Variants in PLPP3 observed in about 807,000 individuals in gnomAD.
The protein encoded by PLPP3 is phospholipid phosphatase 3, also known as PAP2 beta.
Under a neutral mutation model 29.6 loss-of-function variants are expected in PLPP3, and 6 were observed. The ratio of observed to expected loss-of-function variants is 0.20; its 90% CI spans 0.11 to 0.40. PLPP3 has a LOEUF of 0.40. Among genes scored for constraint, PLPP3 ranks in the 10% least tolerant of loss-of-function variants. The probability of loss-of-function intolerance (pLI) is 1.00; values close to 1 mark genes in which losing one functional copy is unlikely to be tolerated. For synonymous variants in PLPP3, 152 were observed against 159.7 expected (o/e 0.95, Z 0.36); for missense variants, 308 against 407.7 (o/e 0.76, Z 2.11).
In PLPP3 at chr1:56,579,482, C is replaced by G. The variant is rs1370433027; in HGVS notation, c.-466G>C. 1 of 180,502 alleles carries G rather than the reference C, an allele frequency of 5.5e-6. No individual in the cohort carries two copies. Among genetic ancestry groups the G allele is most frequent in the Non-Finnish European group, 1.1e-5 (1 of 87,332 alleles). The allele number at this position is 180,502 out of a possible 1,614,324, so 11.2% of individuals were successfully genotyped here. On this transcript the variant is annotated 5_prime_UTR_variant, in exon 1 of 6. Coordinates refer to ENST00000371250, the MANE Select transcript of PLPP3 (RefSeq NM_003713.5). The stretch of plus-strand genomic sequence containing the variant: ...CTAACTTTGCCTCCTCCTCCTCCTC[C>G]TCCTCCGGCTCCTCCTGCTCCTCCT...
intron 1 of PLPP3, among the ~76,000 whole-genome samples, chr1:56,550,997 C>T (rs1646034385): frequency 6.6e-6 from 1 of 152,146 alleles, no homozygotes; most frequent in South Asian, 2.1e-4. Flanking sequence ...TTGAGTGTGG[C>T]TTTGGGAACC....
intron 1 of PLPP3, among the ~76,000 whole-genome samples, chr1:56,553,489 A>G (rs1000741534): frequency 2.6e-5 from 4 of 152,148 alleles, no homozygotes; most frequent in African/African-American, 9.7e-5. Flanking sequence ...AGGTGCATTA[A>G]GGCCTCTTAC....
At chr1:56,522,191 G>A (rs78894807) in intron 4 of PLPP3, among the ~76,000 whole-genome samples, 3,377 of 152,286 alleles carry the variant, frequency 0.022, 122 homozygotes, top group African/African-American at 0.077. Context: ...CACCTCATCA[G>A]GTCACTGAGA....
At position 56,539,717 on chromosome 1, in the gene PLPP3, G is replaced by C. The variant is rs1302907599; in HGVS notation, c.140-2605C>G. On this transcript the variant is annotated intron_variant, in intron 1 of 5. Coordinates refer to ENST00000371250, the MANE Select transcript of PLPP3 (RefSeq NM_003713.5). ...GTTCTGGCTTAGAAATGATCTTTAG[G>C]GGTTAGGAGCCTGGGAGAGAAATCA... Among the ~76,000 whole-genome samples the C allele has an allele frequency of 2.6e-5, 4 of 152,112 alleles. No homozygotes were observed. The South Asian group carries it at 6.2e-4, about 24-fold the overall frequency.
chr1:56,554,430 G>A (rs188079772), intron 1 of PLPP3, among the ~76,000 whole-genome samples: 3 of 151,998 alleles, frequency 2.0e-5, no homozygotes, highest in Non-Finnish European at 2.9e-5. Context: ...AAATGAGCCG[G>A]GCGTGTTGGC....
At chr1:56,560,992 C>T (rs1646122644) in intron 1 of PLPP3, among the ~76,000 whole-genome samples, 1 of 150,760 alleles carries the variant, frequency 6.6e-6, no homozygotes, top group Non-Finnish European at 1.5e-5. Flanking sequence ...CGCCTGCCAC[C>T]ATGCCCGGGT....
At chr1:56,528,427 A>G (rs1157349560) in intron 2 of PLPP3, among the ~76,000 whole-genome samples, 1 of 152,162 alleles carries the variant, frequency 6.6e-6, no homozygotes, top group East Asian at 1.9e-4. Flanking sequence ...TTTTGGGAAA[A>G]GATAGAGCAA....
At chr1:56,574,412 G>A (rs535393081) in intron 1 of PLPP3, among the ~76,000 whole-genome samples, 2 of 151,892 alleles carry the variant, frequency 1.3e-5, no homozygotes, top group East Asian at 3.9e-4. Flanking sequence ...GCACCACCAC[G>A]CCCGGTTAAT....
chr1:56,524,617 A>G lies in PLPP3; in HGVS notation c.298-63T>C, dbSNP rs2100250223. 6.5e-7 allele frequency: 1 copy of G among 1,534,018 alleles called. No individual in the cohort carries two copies. The highest frequency in any genetic ancestry group is 1.2e-5 in the South Asian group (1 of 85,174). Reference sequence around the variant, plus strand: ...GATTCATCATCAACACTGATGCCGTAACGGATATTCAACAACACAGGAGAA... The same window carrying G: ...GATTCATCATCAACACTGATGCCGTGACGGATATTCAACAACACAGGAGAA... On this transcript the variant is annotated intron_variant, in intron 2 of 5. Coordinates refer to ENST00000371250, the MANE Select transcript of PLPP3 (RefSeq NM_003713.5). This position sits in a 1 kb window ranked among gnomAD's most constrained non-coding sequence, Gnocchi z 4.3.
At position 56,549,672 on chromosome 1, in the gene PLPP3, G is replaced by A. The variant is rs188888356; in HGVS notation, c.140-12560C>T. Among the ~76,000 whole-genome samples the A allele has an allele frequency of 3.8e-4, 58 of 152,310 alleles. No homozygotes were observed. In the East Asian group the frequency reaches 8.9e-3, roughly 23 times the overall value. On this transcript the variant is annotated intron_variant, in intron 1 of 5. Coordinates refer to ENST00000371250, the MANE Select transcript of PLPP3 (RefSeq NM_003713.5). Reference sequence around the variant, plus strand: ...TTGTCCCAGCTGGGGTAACTGAGGAGCACTCAACTTTCTTTTAGGTTTGTG... The same window carrying A: ...TTGTCCCAGCTGGGGTAACTGAGGAACACTCAACTTTCTTTTAGGTTTGTG...
chr1:56,503,561 C>T (rs945094497), intron 5 of PLPP3, among the ~76,000 whole-genome samples: 8 of 152,146 alleles, frequency 5.3e-5, no homozygotes, highest in South Asian at 2.1e-4. Context: ...TGATTGCACA[C>T]GCCTGTAATC....
At chr1:56,531,264 C>T (rs900783958) in intron 2 of PLPP3, among the ~76,000 whole-genome samples, 1 of 152,182 alleles carries the variant, frequency 6.6e-6, no homozygotes, top group African/African-American at 2.4e-5. Context: ...CCCTCCCTAG[C>T]AGCCACCACC....
chr1:56,560,579 G>A (rs1646114464), intron 1 of PLPP3, among the ~76,000 whole-genome samples: 2 of 152,044 alleles, frequency 1.3e-5, no homozygotes, highest in African/African-American at 2.4e-5. Flanking sequence ...GGGCTAAAAA[G>A]CTCCCTCAGT....
rs8016 is a variant in PLPP3, at chr1:56,495,814, T to C, written c.*737A>G. On this transcript the variant is annotated 3_prime_UTR_variant, in exon 6 of 6. Coordinates refer to ENST00000371250, the MANE Select transcript of PLPP3 (RefSeq NM_003713.5). Reference sequence around the variant, plus strand: ...CGTGCACAACATCAGCATCCTGCAATTGACATTTCAACATCACAGGATGAT... The same window carrying C: ...CGTGCACAACATCAGCATCCTGCAACTGACATTTCAACATCACAGGATGAT... The C allele has an allele frequency of 0.17, 26,402 of 152,686 alleles. 2,850 individuals carry two copies. The highest frequency in any genetic ancestry group is 0.24 in the South Asian group (1,146 of 4,824). The allele number at this position is 152,686 out of a possible 1,614,324, so 9.5% of individuals were successfully genotyped here.
chr1:56,557,005 AGAAAGAGAG>A (rs1646082982), intron 1 of PLPP3, among the ~76,000 whole-genome samples: 1 of 6,312 alleles, frequency 1.6e-4, no homozygotes, highest in African/African-American at 5.0e-4. Context: ...AAAGAAAGAA[AGAAAGAGAG>A]AGAGAGAGAG....
rs1645628073 is a variant in PLPP3 at position 56,495,864 on chromosome 1, C to T, written c.*687G>A. ...TGCGTCAAAAGAAGAAAAGTGAGGG[C>T]CTGTGCCCTCGATTTCTTCTGAAAT... On this transcript the variant is annotated 3_prime_UTR_variant, in exon 6 of 6. Coordinates refer to ENST00000371250, the MANE Select transcript of PLPP3 (RefSeq NM_003713.5). 6.6e-6 allele frequency: 1 copy of T among 152,654 alleles called. No homozygotes were observed. The highest frequency in any genetic ancestry group is 6.5e-5 in the Admixed American group (1 of 15,290). The allele number at this position is 152,654 out of a possible 1,614,324, so 9.5% of individuals were successfully genotyped here. A position where few individuals can be genotyped will look rare whatever the true frequency, so the allele number is the denominator to read the frequency against.
At chr1:56,565,105 AC>A (rs1401588864) in intron 1 of PLPP3, among the ~76,000 whole-genome samples, 3 of 152,236 alleles carry the variant, frequency 2.0e-5, no homozygotes, top group African/African-American at 7.2e-5. Flanking sequence ...CCAAACAGCT[AC>A]TTTGGGAGAG....
chr1:56,571,241 GTGA>G (rs1269779236), intron 1 of PLPP3, among the ~76,000 whole-genome samples: 1 of 152,174 alleles, frequency 6.6e-6, no homozygotes, highest in Non-Finnish European at 1.5e-5. Flanking sequence ...CTAGGATGTG[GTGA>G]TGATAATGAC....
intron 1 of PLPP3, chr1:56,538,973 A>C (rs1199469524): frequency 2.0e-5 from 3 of 151,408 alleles, no homozygotes; most frequent in Non-Finnish European, 2.9e-5. Context: ...AAAAAAAAAC[A>C]CAGTGGATAA....
Sources: gnomAD v4.1 joint callset for allele counts (sites outside exome capture counted in the v4.1 genomes callset) on GRCh38, gnomAD v4.1.1 for gene constraint, Gnocchi (gnomAD v3.1) non-coding constraint, MANE v1.5 for transcripts, NCBI Gene and HGNC (gene_info 2026-07-23, HGNC 2026-07-21) for gene names.